RUNDC3B: variants seen among roughly 807,000 people sequenced by gnomAD.
RUNDC3B encodes the protein RUN domain containing 3B.
Under a neutral mutation model 58.4 loss-of-function variants are expected in RUNDC3B, and 33 were observed. The observed-to-expected ratio is 0.56, with a 90% CI of 0.43 to 0.75. RUNDC3B has a LOEUF of 0.75. RUNDC3B is among the 30% of genes least tolerant of loss of function. The pLI is 0.00. For synonymous variants in RUNDC3B, 193 were observed against 195.2 expected (o/e 0.99, Z 0.10); for missense variants, 501 against 535.7 (o/e 0.94, Z 0.64).
intron 2 of RUNDC3B, among the ~76,000 whole-genome samples, chr7:87,652,844 G>A (rs1265668744): frequency 1.3e-5 from 2 of 151,838 alleles, no homozygotes; most frequent in East Asian, 1.9e-4. Flanking sequence ...AATTTTTCCA[G>A]TGTTTTCCTT....
intron 4 of RUNDC3B, among the ~76,000 whole-genome samples, chr7:87,711,327 A>G (rs1486366893): frequency 6.6e-6 from 1 of 151,876 alleles, no homozygotes; most frequent in Admixed American, 6.6e-5. Flanking sequence ...ACTCTGTCTC[A>G]AAAAATATAT....
intron 1 of RUNDC3B, among the ~76,000 whole-genome samples, chr7:87,630,731 C>T (rs1325971807): frequency 6.6e-6 from 1 of 150,650 alleles, no homozygotes; most frequent in African/African-American, 2.4e-5. Flanking sequence ...GCATCTAACA[C>T]TCAAAAAATA....
At chr7:87,720,110 CTT>C (rs879379000) in intron 4 of RUNDC3B, among the ~76,000 whole-genome samples, 1 of 151,232 alleles carries the variant, frequency 6.6e-6, no homozygotes, top group Non-Finnish European at 1.5e-5. Flanking sequence ...CAATAAAAGA[CTT>C]TTTTAATTAA....
At chr7:87,728,848 C>T (rs187130384) in intron 4 of RUNDC3B, among the ~76,000 whole-genome samples, 2 of 152,274 alleles carry the variant, frequency 1.3e-5, no homozygotes, top group Admixed American at 6.5e-5. Context: ...GTCACCCCCT[C>T]GTGAGATTTT....
intron 2 of RUNDC3B, among the ~76,000 whole-genome samples, chr7:87,654,640 G>T (rs116868231): frequency 0.029 from 4,405 of 152,098 alleles, 102 homozygotes; most frequent in Non-Finnish European, 0.045. Context: ...AAAACATAGG[G>T]AAAAGGCTCC....
At chr7:87,697,251 T>C (rs183238355) in intron 2 of RUNDC3B, among the ~76,000 whole-genome samples, 6 of 152,318 alleles carry the variant, frequency 3.9e-5, no homozygotes, top group Admixed American at 3.9e-4. Flanking sequence ...AATGTTGTAT[T>C]TTCCCTTGCC....
At position 87,816,139 on chromosome 7, in the gene RUNDC3B, A is replaced by G; in HGVS notation, c.1104-2A>G. ...AAGTAGTATTTCATCCTTGCTTTAC[A>G]GGAAAAGTTATCAAAGTCTTGACCA... On this transcript the variant is annotated splice_acceptor_variant, in intron 9 of 10. Transcript: ENST00000394654. LOFTEE classifies it high-confidence loss of function. The G allele has an allele frequency of 6.3e-7, 1 of 1,598,706 alleles. No individual in the cohort carries two copies. The highest frequency in any genetic ancestry group is 8.6e-7 in the Non-Finnish European group (1 of 1,169,566).
chr7:87,799,885 CAAAAAAAA>C (rs763617668), intron 8 of RUNDC3B, among the ~76,000 whole-genome samples: 2 of 59,318 alleles, frequency 3.4e-5, no homozygotes, highest in Non-Finnish European at 7.4e-5. Context: ...GACTCCGTCT[CAAAAAAAA>C]AAAAAAAAAA....
intron 6 of RUNDC3B, among the ~76,000 whole-genome samples, chr7:87,767,484 C>T (rs557556171): frequency 2.0e-5 from 3 of 152,314 alleles, no homozygotes; most frequent in Admixed American, 2.0e-4. Context: ...CAGTGGCTTT[C>T]TCAAATGCTA....
intron 6 of RUNDC3B, among the ~76,000 whole-genome samples, chr7:87,753,496 T>A (rs1833156679): frequency 1.3e-5 from 2 of 152,180 alleles, no homozygotes; most frequent in South Asian, 4.1e-4. Context: ...CCGTTATTAA[T>A]GTGTGGGAGT....
intron 4 of RUNDC3B, among the ~76,000 whole-genome samples, chr7:87,732,640 A>G (rs1467889268): frequency 6.6e-6 from 1 of 152,202 alleles, no homozygotes; most frequent in African/African-American, 2.4e-5. Flanking sequence ...AGCTGGGTCC[A>G]GGGGGGTCAC....
At position 87,807,504 on chromosome 7, in the gene RUNDC3B, A is replaced by G. The variant is rs775484502; in HGVS notation, c.1088A>G (p.Asn363Ser). Reference sequence around the variant, plus strand: ...GATACGTTGCTTTACCGAAAACACAATAAACAGTGGTATGAGTAAGTGTAA... The same window carrying G: ...GATACGTTGCTTTACCGAAAACACAGTAAACAGTGGTATGAGTAAGTGTAA... ...ALDTLLYRKH[N>S]KQWYEKSYQS... Residue 363 changes from asparagine to serine, a missense_variant, in exon 9 of 11, where the codon AAT becomes AGT. Coordinates refer to ENST00000394654, the MANE Select transcript of RUNDC3B (RefSeq NM_001134405.2). 3.1e-6 allele frequency: 5 copies of G among 1,613,266 alleles called. No individual in the cohort carries two copies. The highest frequency in any genetic ancestry group is 1.1e-5 in the South Asian group (1 of 91,058).
intron 10 of RUNDC3B, among the ~76,000 whole-genome samples, chr7:87,828,610 T>C (rs943155607): frequency 2.3e-4 from 35 of 152,044 alleles, no homozygotes; most frequent in African/African-American, 8.0e-4. Context: ...ACATTTTCTT[T>C]ATCCAGTCCA....
chr7:87,632,842 A>G (rs1276094691), intron 1 of RUNDC3B, among the ~76,000 whole-genome samples: 1 of 152,208 alleles, frequency 6.6e-6, no homozygotes, highest in Non-Finnish European at 1.5e-5. Flanking sequence ...TAAAATATGC[A>G]CATATAAACA....
At chr7:87,630,715 A>G (rs1821130385) in intron 1 of RUNDC3B, among the ~76,000 whole-genome samples, 1 of 150,266 alleles carries the variant, frequency 6.7e-6, no homozygotes, top group African/African-American at 2.4e-5. Flanking sequence ...TCAAATTCTC[A>G]GTATAGCATC....
intron 1 of RUNDC3B, among the ~76,000 whole-genome samples, chr7:87,644,324 C>T (rs1822764049): frequency 1.3e-5 from 2 of 152,208 alleles, no homozygotes; most frequent in African/African-American, 2.4e-5. Context: ...TCTTGGAAGC[C>T]ATCTCCTTGT....
chr7:87,658,250 C>T (rs1013377673), intron 2 of RUNDC3B, among the ~76,000 whole-genome samples: 1 of 152,058 alleles, frequency 6.6e-6, no homozygotes, highest in African/African-American at 2.4e-5. Flanking sequence ...AAATATGAAA[C>T]TGAAAAAGTT....
rs1044108010 is a variant in RUNDC3B at position 87,765,440 on chromosome 7, T to C, written c.630-5141T>C. ...TTTTTGATGTTGGCATTTAGTGCTA[T>C]AAACTTTCCTCTTAGCCCTGTTTTT... On this transcript the variant is annotated intron_variant, in intron 6 of 10. Transcript: ENST00000394654. Among the ~76,000 whole-genome samples the C allele has an allele frequency of 2.6e-5, 4 of 152,104 alleles. 1 individual carries two copies. The highest frequency in any genetic ancestry group is 5.9e-5 in the Non-Finnish European group (4 of 67,952).
At chr7:87,661,211 G>C (rs1824675701) in intron 2 of RUNDC3B, among the ~76,000 whole-genome samples, 1 of 151,716 alleles carries the variant, frequency 6.6e-6, no homozygotes, top group African/African-American at 2.4e-5. Context: ...AATCACATCA[G>C]CATAAATAAG....
Sources: allele counts gnomAD v4.1 joint callset (sites outside exome capture counted in the v4.1 genomes callset), GRCh38; gene constraint gnomAD v4.1.1; transcripts MANE v1.5; gene names NCBI Gene and HGNC (gene_info 2026-07-23, HGNC 2026-07-21).